The following LDOC1 variants were observed in gnomAD, a reference collection of about 807,000 sequenced individuals.
LDOC1 encodes the protein protein LDOC1.
In LDOC1, 1 loss-of-function variant was observed where a neutral mutation model predicts 4.9. The ratio of observed to expected loss-of-function variants is 0.20; its 90% confidence interval spans 0.07 to 0.96. The LOEUF (loss-of-function observed/expected upper bound fraction) is 0.96, where lower values mean the gene tolerates loss of function less well. Among genes scored for constraint, LDOC1 ranks in the 40% least tolerant of loss-of-function variants. The pLI is 0.62. For missense variants in LDOC1, 76 were observed against 128.1 expected (o/e 0.59, Z 1.96); for synonymous variants, 55 against 58.3 (o/e 0.94, Z 0.26).
rs782819133 is a variant in LDOC1 at position 141,176,731 on chromosome X, G to A, written c.291C>T (p.Thr97=). ...GCACCACCCACTCCTCGGCTTCCCC[G>A]GTGAGGAGGCTGATTAGGAATGCCA... ...MKVAFLISLL[T]GEAEEWVVPY... is the part of the protein sequence containing the mutation. The change falls in exon 1 of 1, where the codon ACC becomes ACT. Residue 97 remains threonine (T), a synonymous_variant. Coordinates refer to ENST00000370526, the MANE Select transcript of LDOC1 (RefSeq NM_012317.4). 10 of 1,210,955 alleles carry A rather than the reference G, an allele frequency of 8.3e-6. No individual in the cohort carries two copies. Among genetic ancestry groups the A allele is most frequent in the Non-Finnish European group, 1.1e-5 (10 of 895,333 alleles).
chrX:141,176,123 C>G lies in LDOC1; in HGVS notation c.*458G>C. ...GCATTTTCCAGGTTGGTCCTGATCT[C>G]GAAAGGTGGTAGTCTGTAGGTGGGA... is the stretch of plus-strand genomic sequence containing the variant. On this transcript the variant is annotated 3_prime_UTR_variant, in exon 1 of 1. Coordinates refer to ENST00000370526, the MANE Select transcript of LDOC1 (RefSeq NM_012317.4). The G allele has an allele frequency of 7.1e-6, 1 of 141,464 alleles. No homozygotes were observed. The highest frequency in any genetic ancestry group is 1.4e-5 in the Non-Finnish European group (1 of 70,092). 11.7% of individuals were successfully genotyped at this position (141,464 alleles called of 1,213,427 possible).
chrX:141,173,261 A>G lies in LDOC1; in HGVS notation c.*3320T>C, dbSNP rs1292777856. On this transcript the variant is annotated 3_prime_UTR_variant, in exon 1 of 1. Transcript: ENST00000370526. ...ATATTGGTATATTTAATACGATTAA[A>G]TGATTACGACATTTAATATGACTAA... is the stretch of plus-strand genomic sequence containing the variant. 3 of 112,041 alleles carry G rather than the reference A, an allele frequency of 2.7e-5. No individual in the cohort carries two copies. Among genetic ancestry groups the G allele is most frequent in the Non-Finnish European group, 3.8e-5 (2 of 53,271 alleles). The allele number at this position is 112,041 out of a possible 1,213,427, so 9.2% of individuals were successfully genotyped here.
rs1556282429 is a variant in LDOC1 at position 141,173,305 on chromosome X, A to G, written c.*3276T>C. 1 of 112,029 alleles carries G rather than the reference A, an allele frequency of 8.9e-6. No individual in the cohort carries two copies. Among genetic ancestry groups the G allele is most frequent in the African/African-American group, 3.2e-5 (1 of 30,817 alleles). The allele number at this position is 112,029 out of a possible 1,213,427, so 9.2% of individuals were successfully genotyped here. A position where few individuals can be genotyped will look rare whatever the true frequency, so the allele number is the denominator to read the frequency against. On this transcript the variant is annotated 3_prime_UTR_variant, in exon 1 of 1. Coordinates refer to ENST00000370526, the MANE Select transcript of LDOC1 (RefSeq NM_012317.4). ...TGACTAATTTCATTTCATTGATAGT[A>G]TAATTTCAGCGGCCATTTCAAGTCT... is the stretch of plus-strand genomic sequence containing the variant.
In LDOC1 at chrX:141,176,165, GA is replaced by G. The variant is rs782313711; in HGVS notation, c.*415del. ...TAGGTGGGATGTGGTGAGTGGATGT[GA>G]AGTGGCAGCATAGTTCTCTGGGAAG... On this transcript the variant is annotated 3_prime_UTR_variant, in exon 1 of 1. Coordinates refer to ENST00000370526, the MANE Select transcript of LDOC1 (RefSeq NM_012317.4). 4.4e-4 allele frequency: 79 copies of G among 178,686 alleles called. No homozygotes were observed. The highest frequency in any genetic ancestry group is 8.4e-5 in the Non-Finnish European group (8 of 95,285). The allele number at this position is 178,686 out of a possible 1,213,427, so 14.7% of individuals were successfully genotyped here.
chrX:141,176,532 G>A lies in LDOC1; in HGVS notation c.*49C>T. On this transcript the variant is annotated 3_prime_UTR_variant, in exon 1 of 1. Coordinates refer to ENST00000370526, the MANE Select transcript of LDOC1 (RefSeq NM_012317.4). ...TGGCGGGGTGAGGGCTGCGGGGAGG[G>A]GGTGGCGGCGTGCAGGGCCCTCCCC... The A allele has an allele frequency of 8.6e-7, 1 of 1,156,774 alleles. No individual in the cohort carries two copies. Among genetic ancestry groups the A allele is most frequent in the Non-Finnish European group, 1.2e-6 (1 of 866,267 alleles).
rs2148479342 is a variant in LDOC1 at position 141,176,514 on chromosome X, G to A, written c.*67C>T. The stretch of plus-strand genomic sequence containing the variant: ...GGGGAGAGCAGTGGCTCCTGGCGGG[G>A]TGAGGGCTGCGGGGAGGGGGTGGCG... On this transcript the variant is annotated 3_prime_UTR_variant, in exon 1 of 1. Coordinates refer to ENST00000370526, the MANE Select transcript of LDOC1 (RefSeq NM_012317.4). 1 of 1,139,969 alleles carries A rather than the reference G, an allele frequency of 8.8e-7. No individual in the cohort carries two copies. The highest frequency in any genetic ancestry group is 1.2e-6 in the Non-Finnish European group (1 of 858,527). 93.9% of individuals were successfully genotyped at this position (1,139,969 alleles called of 1,213,427 possible). A position where few individuals can be genotyped will look rare whatever the true frequency, so the allele number is the denominator to read the frequency against.
rs782304569 is a variant in LDOC1, at chrX:141,176,550, C to A, written c.*31G>T. The A allele has an allele frequency of 2.6e-6, 3 of 1,172,780 alleles. No homozygotes were observed. The South Asian group carries it at 5.7e-5, about 22-fold the overall frequency. Reference sequence around the variant, plus strand: ...GGGGAGGGGGTGGCGGCGTGCAGGGCCCTCCCCCCCGAGGCCCGAGGGTCG... The same window carrying A: ...GGGGAGGGGGTGGCGGCGTGCAGGGACCTCCCCCCCGAGGCCCGAGGGTCG... On this transcript the variant is annotated 3_prime_UTR_variant, in exon 1 of 1. Coordinates refer to ENST00000370526, the MANE Select transcript of LDOC1 (RefSeq NM_012317.4).
In LDOC1 at chrX:141,174,317, T is replaced by C. The variant is rs1556282772; in HGVS notation, c.*2264A>G. Among the ~76,000 whole-genome samples the C allele has an allele frequency of 9.0e-6, 1 of 111,259 alleles. No homozygotes were observed. The highest frequency in any genetic ancestry group is 1.9e-5 in the Non-Finnish European group (1 of 53,051). ...TTTCCACCCAAGCCTCAGCCTCTTT[T>C]ATTAAGTCATACGCAACCCTGTCCC... On this transcript the variant is annotated 3_prime_UTR_variant, in exon 1 of 1. Coordinates refer to ENST00000370526, the MANE Select transcript of LDOC1 (RefSeq NM_012317.4).
chrX:141,175,176 G>A lies in LDOC1; in HGVS notation c.*1405C>T, dbSNP rs2013602816. ...GGAATTCTAAGGATGTCTGTCCAAG[G>A]AGAACGAAATGTTTGTTAAGATCAG... is the stretch of plus-strand genomic sequence containing the variant. On this transcript the variant is annotated 3_prime_UTR_variant, in exon 1 of 1. Transcript: ENST00000370526. Among the ~76,000 whole-genome samples the A allele has an allele frequency of 8.9e-6, 1 of 112,074 alleles. No individual in the cohort carries two copies. Among genetic ancestry groups the A allele is most frequent in the Non-Finnish European group, 1.9e-5 (1 of 53,272 alleles).
chrX:141,176,352 T>C lies in LDOC1; in HGVS notation c.*229A>G. 1 of 449,663 alleles carries C rather than the reference T, an allele frequency of 2.2e-6. No homozygotes were observed. The highest frequency in any genetic ancestry group is 3.8e-5 in the East Asian group (1 of 26,535). 37.1% of individuals were successfully genotyped at this position (449,663 alleles called of 1,213,427 possible). On this transcript the variant is annotated 3_prime_UTR_variant, in exon 1 of 1. Transcript: ENST00000370526. ...AGGGTAGATGACACTTCCAAGCACT[T>C]CCGAGTGAGTGAGGCTCCAGCCCCG...
rs1252703781 is a variant in LDOC1, at chrX:141,174,515, C to T, written c.*2066G>A. On this transcript the variant is annotated 3_prime_UTR_variant, in exon 1 of 1. Transcript: ENST00000370526. ...CCTGAACCTGCTCTGCTCCTCTTCACGCTGACATTTTCCTACTAAAGCCAG... is the reference window on the plus strand; with the variant it reads ...CCTGAACCTGCTCTGCTCCTCTTCATGCTGACATTTTCCTACTAAAGCCAG... 8.9e-6 allele frequency among the ~76,000 whole-genome samples: 1 copy of T among 111,956 alleles called. No individual in the cohort carries two copies. Among genetic ancestry groups the T allele is most frequent in the Non-Finnish European group, 1.9e-5 (1 of 53,232 alleles).
rs2013614786 is a variant in LDOC1 at position 141,176,375 on chromosome X, C to T, written c.*206G>A. 5.9e-6 allele frequency: 3 copies of T among 505,892 alleles called. No individual in the cohort carries two copies. Among genetic ancestry groups the T allele is most frequent in the South Asian group, 6.6e-5 (2 of 30,475 alleles). 41.7% of individuals were successfully genotyped at this position (505,892 alleles called of 1,213,427 possible). A position where few individuals can be genotyped will look rare whatever the true frequency, so the allele number is the denominator to read the frequency against. ...CTTCCGAGTGAGTGAGGCTCCAGCC[C>T]CGACCCCAGCAGCAGGTAACTGGAG... On this transcript the variant is annotated 3_prime_UTR_variant, in exon 1 of 1. Coordinates refer to ENST00000370526, the MANE Select transcript of LDOC1 (RefSeq NM_012317.4).
In LDOC1 at chrX:141,174,788, A is replaced by G. The variant is rs141763669; in HGVS notation, c.*1793T>C. Among the ~76,000 whole-genome samples the G allele has an allele frequency of 4.5e-4, 51 of 112,514 alleles. No homozygotes were observed. The highest frequency in any genetic ancestry group is 1.6e-3 in the African/African-American group (49 of 31,015). ...GCCTTAAACAGTACGGAAATGTGTT[A>G]TCTAAATTAATTAAAGGTTATAAAG... On this transcript the variant is annotated 3_prime_UTR_variant, in exon 1 of 1. Transcript: ENST00000370526.
At position 141,174,088 on chromosome X, in the gene LDOC1, C is replaced by A. The variant is rs138296740; in HGVS notation, c.*2493G>T. Among the ~76,000 whole-genome samples, 27 of 112,249 alleles carry A rather than the reference C, an allele frequency of 2.4e-4. No homozygotes were observed. In the East Asian group the frequency reaches 6.5e-3, roughly 27 times the overall value. The stretch of plus-strand genomic sequence containing the variant: ...CTTGCTCACTTTTCCACATTTATCC[C>A]CAATTCAAGGCCTTTCTAGTTAGGA... On this transcript the variant is annotated 3_prime_UTR_variant, in exon 1 of 1. Transcript: ENST00000370526.
In LDOC1 at chrX:141,176,560, C is replaced by A. The variant is rs1556283443; in HGVS notation, c.*21G>T. 2.5e-6 allele frequency: 3 copies of A among 1,182,045 alleles called. No homozygotes were observed. The highest frequency in any genetic ancestry group is 3.4e-6 in the Non-Finnish European group (3 of 878,949). ...TGGCGGCGTGCAGGGCCCTCCCCCC[C>A]GAGGCCCGAGGGTCGAGGGCCTAAT... On this transcript the variant is annotated 3_prime_UTR_variant, in exon 1 of 1. Transcript: ENST00000370526.
Position 141,176,555 on chromosome X carries a change from C to A in LDOC1, c.*26G>T. ...GGGGGTGGCGGCGTGCAGGGCCCTC[C>A]CCCCCGAGGCCCGAGGGTCGAGGGC... On this transcript the variant is annotated 3_prime_UTR_variant, in exon 1 of 1. Coordinates refer to ENST00000370526, the MANE Select transcript of LDOC1 (RefSeq NM_012317.4). The A allele has an allele frequency of 8.5e-7, 1 of 1,177,656 alleles. No individual in the cohort carries two copies. Among genetic ancestry groups the A allele is most frequent in the Non-Finnish European group, 1.1e-6 (1 of 876,296 alleles).
At position 141,175,305 on chromosome X, in the gene LDOC1, A is replaced by G. The variant is rs2013604530; in HGVS notation, c.*1276T>C. Among the ~76,000 whole-genome samples the G allele has an allele frequency of 8.9e-6, 1 of 112,044 alleles. No individual in the cohort carries two copies. The highest frequency in any genetic ancestry group is 1.9e-5 in the Non-Finnish European group (1 of 53,240). The stretch of plus-strand genomic sequence containing the variant: ...ATTTGGAGTTTGAAAGTGACAATCT[A>G]CTATGTTGGCTCTCTGGAGTCTGAA... On this transcript the variant is annotated 3_prime_UTR_variant, in exon 1 of 1. Transcript: ENST00000370526.
Position 141,176,176 on chromosome X carries a change from A to C in LDOC1, c.*405T>G. 5.2e-6 allele frequency: 1 copy of C among 193,159 alleles called. No individual in the cohort carries two copies. The highest frequency in any genetic ancestry group is 2.8e-5 in the African/African-American group (1 of 35,167). 15.9% of individuals were successfully genotyped at this position (193,159 alleles called of 1,213,427 possible). A position where few individuals can be genotyped will look rare whatever the true frequency, so the allele number is the denominator to read the frequency against. ...TGGTGAGTGGATGTGAAGTGGCAGCATAGTTCTCTGGGAAGATGTAAGCCT... is the reference window on the plus strand; with the variant it reads ...TGGTGAGTGGATGTGAAGTGGCAGCCTAGTTCTCTGGGAAGATGTAAGCCT... On this transcript the variant is annotated 3_prime_UTR_variant, in exon 1 of 1. Transcript: ENST00000370526.
Position 141,176,833 on chromosome X carries a change from C to G in LDOC1, c.189G>C (p.Arg63=). ...CCGTCTGCACGATAAACTCGGGGAG[C>G]CGGGAGCTCTCGCCATTAAACGTTT... is the stretch of plus-strand genomic sequence containing the variant. ...FPETFNGESS[R]LPEFIVQTAS... is the part of the protein sequence containing the mutation. The change falls in exon 1 of 1, where the codon CGG becomes CGC. Residue 63 remains arginine, a synonymous_variant. Transcript: ENST00000370526. The G allele has an allele frequency of 8.3e-7, 1 of 1,211,890 alleles. No individual in the cohort carries two copies. The highest frequency in any genetic ancestry group is 1.1e-6 in the Non-Finnish European group (1 of 895,539).
Sources: allele counts gnomAD v4.1 joint callset (sites outside exome capture counted in the v4.1 genomes callset), GRCh38; gene constraint gnomAD v4.1.1; transcripts MANE v1.5; gene names NCBI Gene and HGNC (gene_info 2026-07-23, HGNC 2026-07-21).